The following ART1 variants were observed in gnomAD, a reference collection of about 807,000 sequenced individuals.
The protein encoded by ART1 is ADP-ribosyltransferase 1.
ART1 carries 29 observed loss-of-function variants against 27.0 expected under a neutral mutation model. The observed-to-expected ratio is 1.08, with a 90% CI of 0.80 to 1.47. The LOEUF (loss-of-function observed/expected upper bound fraction) is 1.47. Among genes scored for constraint, ART1 ranks in the 40% most tolerant of loss-of-function variants. The pLI is 0.00. For missense variants in ART1, 480 were observed against 423.0 expected (o/e 1.13, Z -1.18); for synonymous variants, 201 against 172.2 (o/e 1.17, Z -1.31).
chr11:3,659,963 C>T lies in ART1; in HGVS notation c.444C>T (p.His148=), dbSNP rs376054375. 3 of 1,613,990 alleles carry T rather than the reference C, an allele frequency of 1.9e-6. No homozygotes were observed. Among genetic ancestry groups the T allele is most frequent in the Non-Finnish European group, 2.5e-6 (3 of 1,179,964 alleles). ...AGRSRAHYLH[H]FSFKTLHFLL... ...GCTCCCGGGCCCACTACCTCCACCA[C>T]TTCTCCTTCAAGACACTCCATTTCC... Residue 148 remains histidine (H), a synonymous_variant, in exon 3 of 5, where the codon CAC becomes CAT. Transcript: ENST00000250693.
intron 1 of ART1, among the ~76,000 whole-genome samples, chr11:3,649,294 C>A (rs532639090): frequency 6.6e-6 from 1 of 152,188 alleles, no homozygotes; most frequent in Non-Finnish European, 1.5e-5. Context: ...GACCCCAATA[C>A]AAACTCGACA....
intron 1 of ART1, among the ~76,000 whole-genome samples, chr11:3,646,498 T>A (rs183021506): frequency 5.3e-5 from 8 of 152,268 alleles, no homozygotes; most frequent in Admixed American, 3.9e-4. Flanking sequence ...GGAGCCACCC[T>A]GAGCTAGATT....
At chr11:3,649,376 A>G (rs1248403852) in intron 1 of ART1, among the ~76,000 whole-genome samples, 2 of 152,234 alleles carry the variant, frequency 1.3e-5, no homozygotes, top group Non-Finnish European at 2.9e-5. Context: ...TTCTTGTCGT[A>G]AAATGGACAA....
chr11:3,664,163 T>C lies in ART1; in HGVS notation c.958T>C (p.Phe320Leu), dbSNP rs767672408. 6.2e-7 allele frequency: 1 copy of C among 1,614,004 alleles called. No individual in the cohort carries two copies. Among genetic ancestry groups the C allele is most frequent in the Admixed American group, 1.7e-5 (1 of 60,020 alleles). Reference protein sequence around the residue: ...LLLWFLVVRAFPDGPGLL With the variant: ...LLLWFLVVRALPDGPGLL ...GCTCTGGTTCCTCGTGGTGAGGGCCTTTCCAGATGGTCCAGGCCTCCTTTG... is the reference window on the plus strand; with the variant it reads ...GCTCTGGTTCCTCGTGGTGAGGGCCCTTCCAGATGGTCCAGGCCTCCTTTG... Residue 320 changes from phenylalanine (F) to leucine (L), a missense_variant, in exon 5 of 5, where the codon TTT (phenylalanine) becomes CTT (leucine). Phe to Leu is a conservative substitution (Grantham distance 22). Transcript: ENST00000250693.
chr11:3,653,667 A>C (rs1044329383), intron 1 of ART1, among the ~76,000 whole-genome samples: 1 of 151,862 alleles, frequency 6.6e-6, no homozygotes. Flanking sequence ...TTTTAAATCT[A>C]CTCCGCTTCT....
At chr11:3,663,142 ATC>A (rs145887923) in intron 4 of ART1, among the ~76,000 whole-genome samples, 17 of 140,458 alleles carry the variant, frequency 1.2e-4, no homozygotes, top group African/African-American at 3.7e-4. Context: ...ATCTCATCTC[ATC>A]ATCATCTCAT....
rs767619916 is a variant in ART1 at position 3,660,303 on chromosome 11, G to A, written c.784G>A (p.Ala262Thr). The A allele has an allele frequency of 1.2e-5, 19 of 1,608,626 alleles. No individual in the cohort carries two copies. The highest frequency in any genetic ancestry group is 2.2e-5 in the East Asian group (1 of 44,856). The change falls in exon 3 of 5, where the codon GCC becomes ACC. Residue 262 changes from alanine (A) to threonine (T), a missense_variant. Coordinates refer to ENST00000250693, the MANE Select transcript of ART1 (RefSeq NM_004314.3). Reference sequence around the variant, plus strand: ...TGCCAGCAGACTGGCCCAGGGCCCCGCCCGCATCTACCTCCGAGCCCTGGG... The same window carrying A: ...TGCCAGCAGACTGGCCCAGGGCCCCACCCGCATCTACCTCCGAGCCCTGGG... ...INASRLAQGP[A>T]RIYLRALGKH...
intron 1 of ART1, among the ~76,000 whole-genome samples, chr11:3,655,928 C>CTTT (rs761533207): frequency 0.011 from 1,174 of 108,924 alleles, 33 homozygotes; most frequent in East Asian, 0.015. Context: ...GAGCTCAAGT[C>CTTT]TTTTTTTTTT....
rs779510660 is a variant in ART1 at position 3,660,183 on chromosome 11, T to C, written c.664T>C (p.Trp222Arg). The change falls in exon 3 of 5, where the codon TGG becomes CGG. Residue 222 changes from tryptophan (W) to arginine (R), a missense_variant. Transcript: ENST00000250693. ...QFGEDTFFGI[W>R]TCLGAPIKGY... The stretch of plus-strand genomic sequence containing the variant: ...TGGTGAGGACACCTTCTTCGGCATC[T>C]GGACCTGCCTTGGGGCCCCTATCAA... 9.9e-6 allele frequency: 16 copies of C among 1,613,990 alleles called. No homozygotes were observed. In the South Asian group the frequency reaches 1.8e-4, roughly 18 times the overall value.
intron 4 of ART1, among the ~76,000 whole-genome samples, chr11:3,663,480 A>G (rs1285517256): frequency 2.6e-5 from 4 of 152,244 alleles, no homozygotes; most frequent in Non-Finnish European, 4.4e-5. Context: ...CCCACTCTGC[A>G]GCACCTTATT....
At chr11:3,660,953 G>A (rs1350073158) in intron 3 of ART1, among the ~76,000 whole-genome samples, 1 of 152,194 alleles carries the variant, frequency 6.6e-6, no homozygotes, top group Non-Finnish European at 1.5e-5. Context: ...GAACCATGAG[G>A]ATGGGCCCAG....
At chr11:3,659,500 C>A in intron 2 of ART1, 83 bp from the exon 3 acceptor site, 1 of 1,477,512 alleles carries the variant, frequency 6.8e-7, no homozygotes. Context: ...CTGCCTTTCT[C>A]AGTGGAGGGG....
chr11:3,650,214 G>A (rs1370168270), intron 1 of ART1, among the ~76,000 whole-genome samples: 1 of 152,206 alleles, frequency 6.6e-6, no homozygotes, highest in Non-Finnish European at 1.5e-5. Context: ...TGCTACAAGT[G>A]CCGGAAATCT....
chr11:3,650,987 C>A (rs1486810479), intron 1 of ART1, among the ~76,000 whole-genome samples: 1 of 152,016 alleles, frequency 6.6e-6, no homozygotes, highest in Admixed American at 6.6e-5. Flanking sequence ...CCTGTTACAG[C>A]ATGGCCTTTT....
intron 1 of ART1, among the ~76,000 whole-genome samples, chr11:3,658,316 G>A (rs2077589281): frequency 6.8e-6 from 1 of 146,474 alleles, no homozygotes; most frequent in Non-Finnish European, 1.5e-5. Context: ...CTGGGCAACA[G>A]AGTGAGACTT....
intron 1 of ART1, among the ~76,000 whole-genome samples, chr11:3,647,087 G>T (rs536904943): frequency 1.3e-5 from 2 of 152,178 alleles, no homozygotes; most frequent in East Asian, 3.9e-4. Context: ...TTAGGAGGCC[G>T]AGGCGGGCAG....
intron 1 of ART1, among the ~76,000 whole-genome samples, chr11:3,656,745 GT>G (rs2077579462): frequency 6.6e-6 from 1 of 152,130 alleles, no homozygotes; most frequent in Non-Finnish European, 1.5e-5. Context: ...TCCCGCCTCA[GT>G]CTCCCAAAGT....
intron 1 of ART1, among the ~76,000 whole-genome samples, chr11:3,649,791 C>T (rs1035358309): frequency 9.2e-5 from 13 of 141,378 alleles, no homozygotes; most frequent in South Asian, 2.3e-4. Flanking sequence ...TTTCTTTATC[C>T]GACCTCTCCC....
chr11:3,664,210 C>G lies in ART1; in HGVS notation c.*21C>G. 1 of 1,608,668 alleles carries G rather than the reference C, an allele frequency of 6.2e-7. No homozygotes were observed. The highest frequency in any genetic ancestry group is 8.5e-7 in the Non-Finnish European group (1 of 1,176,172). On this transcript the variant is annotated 3_prime_UTR_variant, in exon 5 of 5. Transcript: ENST00000250693. ...TTTGATGCATGAGACACGGGACAGC[C>G]TCGCCTGCTGCCTCTGCCCATCCTG...
Sources: allele counts gnomAD v4.1 joint callset (sites outside exome capture counted in the v4.1 genomes callset), GRCh38; gene constraint gnomAD v4.1.1; transcripts MANE v1.5; gene names NCBI Gene and HGNC (gene_info 2026-07-23, HGNC 2026-07-21).